Variants in FNBP1 observed in about 807,000 individuals in gnomAD.
FNBP1 encodes the protein formin-binding protein 1.
A neutral mutation model predicts 90.6 loss-of-function variants in FNBP1; 26 were observed. The ratio of observed to expected loss-of-function variants is 0.29; its 90% CI spans 0.21 to 0.40. FNBP1 has a LOEUF of 0.40. Among genes scored for constraint, FNBP1 ranks in the 10% least tolerant of loss-of-function variants. The probability of loss-of-function intolerance (pLI) is 1.00; values close to 1 mark genes in which losing one functional copy is unlikely to be tolerated. For synonymous variants in FNBP1, 260 were observed against 265.2 expected (o/e 0.98, Z 0.19); for missense variants, 635 against 768.0 (o/e 0.83, Z 2.05).
rs529951434 is a variant in FNBP1, at chr9:130,022,503, G to A, written c.24+20449C>T. 1.8e-4 allele frequency among the ~76,000 whole-genome samples: 27 copies of A among 152,288 alleles called. No homozygotes were observed. The South Asian group carries it at 5.0e-3, about 28-fold the overall frequency. On this transcript the variant is annotated intron_variant, in intron 1 of 16. Coordinates refer to ENST00000446176, the MANE Select transcript of FNBP1 (RefSeq NM_015033.3). The stretch of plus-strand genomic sequence containing the variant: ...ATTACAGGGGTAAGCCACCGTGCCC[G>A]ACCTTAAGAATACAGTTAAGAATAC...
In FNBP1 at chr9:129,920,310, C is replaced by CT. The variant is rs938496587; in HGVS notation, c.1170+3533dup. On this transcript the variant is annotated intron_variant, in intron 10 of 16. Transcript: ENST00000446176. ...CCATTTCACTGTTTTAAGTGTTAAT[C>CT]TTTTTTTTTTAGACGGAGTCTCACT... is the stretch of plus-strand genomic sequence containing the variant. 1.3e-4 allele frequency among the ~76,000 whole-genome samples: 20 copies of CT among 148,972 alleles called. No individual in the cohort carries two copies. The East Asian group carries it at 1.8e-3, about 13-fold the overall frequency.
rs2047126078 is a variant in FNBP1 at position 129,957,441 on chromosome 9, A to G, written c.432T>C (p.Asp144=). The change falls in exon 6 of 17, where the codon GAT becomes GAC. Residue 144 remains aspartate (D), a synonymous_variant. Coordinates refer to ENST00000446176, the MANE Select transcript of FNBP1 (RefSeq NM_015033.3). This position sits in a 1 kb window ranked among gnomAD's most constrained non-coding sequence, Gnocchi z 4.3. ...LESSKRRFER[D]CKEADRAQQY... ...GCTGCGCCCTGTCCGCCTCTTTGCA[A>G]TCGCGTTCAAATCGCCTTTTACTCT... The G allele has an allele frequency of 1.2e-6, 2 of 1,613,606 alleles. No homozygotes were observed. Among genetic ancestry groups the G allele is most frequent in the Admixed American group, 3.3e-5 (2 of 59,988 alleles).
chr9:129,979,141 A>G (rs190704366), intron 3 of FNBP1, among the ~76,000 whole-genome samples, 177 bp downstream of exon 3: 1 of 152,388 alleles, frequency 6.6e-6, no homozygotes, highest in East Asian at 1.9e-4. Flanking sequence ...GCATAGGTCC[A>G]GTGACTCCAT....
At chr9:129,943,908 G>A (rs1471880976) in intron 6 of FNBP1, among the ~76,000 whole-genome samples, 1 of 138,546 alleles carries the variant, frequency 7.2e-6, no homozygotes, top group African/African-American at 2.7e-5. Flanking sequence ...CAGGAGAGTG[G>A]CGTGAACCTG....
At chr9:129,937,826 G>A (rs543156417) in intron 6 of FNBP1, among the ~76,000 whole-genome samples, 2 of 152,038 alleles carry the variant, frequency 1.3e-5, no homozygotes, top group Admixed American at 6.6e-5. Flanking sequence ...TTCAAAATAA[G>A]TTAACCAAAG....
At chr9:129,932,270 G>C (rs923754938) in intron 6 of FNBP1, among the ~76,000 whole-genome samples, 2 of 151,610 alleles carry the variant, frequency 1.3e-5, no homozygotes, top group African/African-American at 4.8e-5. Context: ...AAGAGAAAGT[G>C]AAAGAGAGAA....
chr9:129,894,924 G>GAT, intron 16 of FNBP1, among the ~76,000 whole-genome samples: 1 of 152,238 alleles, frequency 6.6e-6, no homozygotes, highest in East Asian at 1.9e-4. Context: ...CAGGCGTGGT[G>GAT]GTGCACACCT....
chr9:130,047,506 G>A (rs544006713), upstream of FNBP1, among the ~76,000 whole-genome samples: 5 of 152,224 alleles, frequency 3.3e-5, no homozygotes, highest in East Asian at 3.9e-4. Context: ...CCAGCTACTC[G>A]GGAGGCTATG....
intron 6 of FNBP1, among the ~76,000 whole-genome samples, chr9:129,938,834 G>T (rs2043892242): frequency 6.6e-6 from 1 of 152,128 alleles, no homozygotes; most frequent in African/African-American, 2.4e-5. Flanking sequence ...TCCAAGGGAG[G>T]CTGGTAGAAA....
At chr9:129,996,353 C>T (rs1470138557) in intron 1 of FNBP1, among the ~76,000 whole-genome samples, 3 of 151,862 alleles carry the variant, frequency 2.0e-5, no homozygotes, top group African/African-American at 4.8e-5. Context: ...ACTAAGGGGG[C>T]GAGCCAGAGG....
At chr9:130,014,715 A>G (rs1012697414) in intron 1 of FNBP1, among the ~76,000 whole-genome samples, 2 of 152,200 alleles carry the variant, frequency 1.3e-5, no homozygotes, top group Admixed American at 1.3e-4. Context: ...CTTCAGGATA[A>G]GAGATACTTA....
chr9:129,992,969 G>A (rs942678306), intron 2 of FNBP1, among the ~76,000 whole-genome samples: 3 of 149,782 alleles, frequency 2.0e-5, no homozygotes, highest in Non-Finnish European at 4.4e-5. Flanking sequence ...GCTCACGCCT[G>A]TAATCCCAGC....
intron 2 of FNBP1, among the ~76,000 whole-genome samples, chr9:129,981,247 C>G (rs1322645934): frequency 6.6e-6 from 1 of 151,984 alleles, no homozygotes; most frequent in East Asian, 2.0e-4. Context: ...ACCACCACGC[C>G]CAGATAATTT....
Position 129,958,381 on chromosome 9 carries a change from G to A in FNBP1, c.408+110C>T, listed in dbSNP as rs373586785. 238 of 753,108 alleles carry A rather than the reference G, an allele frequency of 3.2e-4. No individual in the cohort carries two copies. In the African/African-American group the frequency reaches 3.7e-3, roughly 12 times the overall value. 46.7% of individuals were successfully genotyped at this position (753,108 alleles called of 1,614,324 possible). ...TGGGAAGCAGAGGTTACAGTGAGCC[G>A]AGATCGCACCATTGCACTCCAACCT... is the stretch of plus-strand genomic sequence containing the variant. On this transcript the variant is annotated intron_variant, in intron 5 of 16. Transcript: ENST00000446176.
rs538653445 is a variant in FNBP1 at position 129,925,277 on chromosome 9, C to T, written c.790-120G>A. ...ATCCCAGCACTCTGGGAGGCAGAGGCGGGTGGATCACGAGGTCAGGAGATC... is the reference window on the plus strand; with the variant it reads ...ATCCCAGCACTCTGGGAGGCAGAGGTGGGTGGATCACGAGGTCAGGAGATC... On this transcript the variant is annotated intron_variant, in intron 8 of 16. Transcript: ENST00000446176. The T allele has an allele frequency of 2.6e-5, 19 of 735,324 alleles. No individual in the cohort carries two copies. In the East Asian group the frequency reaches 3.8e-4, roughly 15 times the overall value. The allele number at this position is 735,324 out of a possible 1,614,324, so 45.5% of individuals were successfully genotyped here. A position where few individuals can be genotyped will look rare whatever the true frequency, so the allele number is the denominator to read the frequency against.
intron 6 of FNBP1, among the ~76,000 whole-genome samples, chr9:129,937,387 A>G (rs1056827105): frequency 3.3e-5 from 5 of 152,224 alleles, no homozygotes; most frequent in African/African-American, 1.2e-4. Context: ...TGTTTTAACA[A>G]TGTAAAGCCA....
intron 1 of FNBP1, among the ~76,000 whole-genome samples, chr9:130,002,154 A>G (rs2054962208): frequency 6.6e-6 from 1 of 152,070 alleles, no homozygotes; most frequent in South Asian, 2.1e-4. Flanking sequence ...GCGCCATTGC[A>G]CTCCAGCCTA....
the FNBP1 span, among the ~76,000 whole-genome samples, chr9:130,050,635 A>G: frequency 2.0e-5 from 3 of 151,550 alleles, no homozygotes; most frequent in Non-Finnish European, 2.9e-5. Flanking sequence ...TTGGTTTGCA[A>G]TATCAATCAA....
At chr9:130,006,645 G>C (rs1336597411) in intron 1 of FNBP1, among the ~76,000 whole-genome samples, 1 of 152,084 alleles carries the variant, frequency 6.6e-6, no homozygotes, top group Non-Finnish European at 1.5e-5. Context: ...ACTCCAGCCT[G>C]GGCGACAGAG....
Sources: gnomAD v4.1 joint callset for allele counts (sites outside exome capture counted in the v4.1 genomes callset) on GRCh38, gnomAD v4.1.1 for gene constraint, Gnocchi (gnomAD v3.1) non-coding constraint, MANE v1.5 for transcripts, NCBI Gene and HGNC (gene_info 2026-07-23, HGNC 2026-07-21) for gene names.